The following DACT3 variants were observed in gnomAD, a reference collection of about 807,000 sequenced individuals.
DACT3 encodes the protein dapper homolog 3.
Under a neutral mutation model 19.6 loss-of-function variants are expected in DACT3, and 5 were observed. That is an observed-to-expected ratio of 0.26 (90% CI 0.13 to 0.54). DACT3 has a LOEUF of 0.54. DACT3 is among the 20% of genes least tolerant of loss of function. The pLI is 0.95. For synonymous variants in DACT3, 454 were observed against 428.1 expected, an observed-to-expected ratio of 1.06 and a Z score of -0.75; for missense variants, 908 against 927.4, an observed-to-expected ratio of 0.98 and a Z score of 0.27.
rs2122427939 is a variant in DACT3 at position 46,648,436 on chromosome 19, G to A, written c.*46C>T. 6.2e-7 allele frequency: 1 copy of A among 1,613,018 alleles called. No homozygotes were observed. The highest frequency in any genetic ancestry group is 2.2e-5 in the East Asian group (1 of 44,840). ...TGGAAGGGTCAGTGGTTGGGAGTGTGGAGGTGCAGAGGCCATGAAGGGGGA... is the reference window on the plus strand; with the variant it reads ...TGGAAGGGTCAGTGGTTGGGAGTGTAGAGGTGCAGAGGCCATGAAGGGGGA... On this transcript the variant is annotated 3_prime_UTR_variant, in exon 4 of 4. Transcript: ENST00000391916. This position sits in a 1 kb window ranked among gnomAD's most constrained non-coding sequence, Gnocchi z 5.1.
At position 46,648,934 on chromosome 19, in the gene DACT3, C is replaced by T; in HGVS notation, c.1438G>A (p.Ala480Thr). 2 of 1,345,202 alleles carry T rather than the reference C, an allele frequency of 1.5e-6. No individual in the cohort carries two copies. The highest frequency in any genetic ancestry group is 1.9e-6 in the Non-Finnish European group (2 of 1,053,654). 83.3% of individuals were successfully genotyped at this position (1,345,202 alleles called of 1,614,324 possible). The change falls in exon 4 of 4, where the codon GCG (alanine) becomes ACG (threonine). Residue 480 changes from alanine (A) to threonine (T), a missense_variant. Physicochemically the swap from Ala to Thr is moderately conservative, Grantham distance 58. Coordinates refer to ENST00000391916, the MANE Select transcript of DACT3 (RefSeq NM_145056.3). This position sits in a 1 kb window ranked among gnomAD's most constrained non-coding sequence, Gnocchi z 5.1. ...AGSCRRWRST[A>T]EIDAADGRRV... ...CGCCCATCGGCAGCGTCGATCTCCG[C>T]AGTGGAGCGCCAGCGACGGCAGGAC...
In DACT3 at chr19:46,661,057, C is replaced by T. The variant is rs2053072278; in HGVS notation, c.8G>A (p.Arg3Gln). 4.1e-6 allele frequency: 6 copies of T among 1,477,668 alleles called. No individual in the cohort carries two copies. The South Asian group carries it at 5.1e-5, about 13-fold the overall frequency. The allele number at this position is 1,477,668 out of a possible 1,614,324, so 91.5% of individuals were successfully genotyped here. ...AGGGCTCACCGGGAACGAGAAGGCC[C>T]GGATCATGGCTGCGGCCCCCCGCCC... MI[R>Q]AFSFPVSPER... Residue 3 changes from arginine (R) to glutamine (Q), a missense_variant, in exon 1 of 4, where the codon CGG (arginine) becomes CAG (glutamine). Around this residue, in one of 2 missense-constraint regions of DACT3, gnomAD observed 252 missense variants for 325.6 expected, o/e 0.77. Coordinates refer to ENST00000391916, the MANE Select transcript of DACT3 (RefSeq NM_145056.3).
Position 46,649,277 on chromosome 19 carries a change from C to T in DACT3, c.1095G>A (p.Ala365=). ...CGCGGCCAGGGAGGCCTCGGGTGGC[C>T]GCCTGCGCGCCCGGGATGTACTGCG... ...VKAQYIPGAQ[A]ATRGLPGRAA... Residue 365 remains alanine (A), a synonymous_variant, in exon 4 of 4, where the codon GCG becomes GCA. Coordinates refer to ENST00000391916, the MANE Select transcript of DACT3 (RefSeq NM_145056.3). 1.7e-6 allele frequency: 2 copies of T among 1,209,928 alleles called. No homozygotes were observed. Among genetic ancestry groups the T allele is most frequent in the South Asian group, 3.1e-5 (1 of 31,832 alleles). 74.9% of individuals were successfully genotyped at this position (1,209,928 alleles called of 1,614,324 possible).
At chr19:46,659,091 C>A (rs1568700564) in intron 1 of DACT3, 2 of 984,766 alleles carry the variant, frequency 2.0e-6, no homozygotes, top group Non-Finnish European at 2.4e-6. Context: ...GTTGGGGGAT[C>A]AGAAGAAGCC....
At position 46,649,473 on chromosome 19, in the gene DACT3, C is replaced by A; in HGVS notation, c.899G>T (p.Arg300Leu). 1 of 1,154,062 alleles carries A rather than the reference C, an allele frequency of 8.7e-7. No individual in the cohort carries two copies. Among genetic ancestry groups the A allele is most frequent in the South Asian group, 3.7e-5 (1 of 27,268 alleles). The allele number at this position is 1,154,062 out of a possible 1,614,324, so 71.5% of individuals were successfully genotyped here. Reference sequence around the variant, plus strand: ...CTCCAACGAGGGCTCCCGCGCGGGTCGCGCGCTGCCGGGGGACGGAGACGC... The same window carrying A: ...CTCCAACGAGGGCTCCCGCGCGGGTAGCGCGCTGCCGGGGGACGGAGACGC... ...PDASPSPGSARPAREPSLERV... is the reference protein window; with the variant it reads ...PDASPSPGSALPAREPSLERV... Residue 300 changes from arginine to leucine, a missense_variant, in exon 4 of 4, where the codon CGA becomes CTA. Transcript: ENST00000391916.
chr19:46,654,712 C>T, intron 1 of DACT3: 5 of 985,362 alleles, frequency 5.1e-6, no homozygotes, highest in Non-Finnish European at 6.0e-6. Flanking sequence ...ACAAAAGCGG[C>T]TTGTCTGGAC....
At position 46,649,135 on chromosome 19, in the gene DACT3, G is replaced by C; in HGVS notation, c.1237C>G (p.Arg413Gly). The C allele has an allele frequency of 7.9e-7, 1 of 1,267,464 alleles. No homozygotes were observed. The highest frequency in any genetic ancestry group is 9.9e-7 in the Non-Finnish European group (1 of 1,008,604). 78.5% of individuals were successfully genotyped at this position (1,267,464 alleles called of 1,614,324 possible). ...RGRMAEASGR[R>G]GSPRARKASR... ...GCCTTGCGGGCCCTGGGCGAGCCGC[G>C]GCGGCCCGAAGCCTCGGCCATGCGT... The change falls in exon 4 of 4, where the codon CGC becomes GGC. Residue 413 changes from arginine to glycine, a missense_variant. Arg to Gly is a moderately radical substitution (Grantham distance 125, BLOSUM62 -2). Coordinates refer to ENST00000391916, the MANE Select transcript of DACT3 (RefSeq NM_145056.3).
chr19:46,649,056 GA>G lies in DACT3; in HGVS notation c.1315del (p.Ser439ArgfsTer165). 1.6e-6 allele frequency: 2 copies of G among 1,288,168 alleles called. No homozygotes were observed. Among genetic ancestry groups the G allele is most frequent in the Non-Finnish European group, 2.0e-6 (2 of 1,020,346 alleles). The allele number at this position is 1,288,168 out of a possible 1,614,324, so 79.8% of individuals were successfully genotyped here. Reference protein sequence around the residue: ...SLLGRASAVPSGPPKYPTAER... With the variant: ...SLLGRASAVPXGPPKYPTAER... Reference sequence around the variant, plus strand: ...CGCCGTGGGGTACTTAGGGGGCCCCGAAGGGACCGCGGAGGCGCGGCCCAGC... The same window carrying G: ...CGCCGTGGGGTACTTAGGGGGCCCCGAGGGACCGCGGAGGCGCGGCCCAGC... On this transcript the variant is annotated frameshift_variant, in exon 4 of 4. Transcript: ENST00000391916. LOFTEE classifies it low-confidence loss of function (END_TRUNC).
Position 46,661,108 on chromosome 19 carries a change from C to T in DACT3, c.-44G>A. 7.3e-7 allele frequency: 1 copy of T among 1,372,566 alleles called. No homozygotes were observed. The highest frequency in any genetic ancestry group is 9.3e-7 in the Non-Finnish European group (1 of 1,070,712). The allele number at this position is 1,372,566 out of a possible 1,614,324, so 85.0% of individuals were successfully genotyped here. On this transcript the variant is annotated 5_prime_UTR_variant, in exon 1 of 4. Coordinates refer to ENST00000391916, the MANE Select transcript of DACT3 (RefSeq NM_145056.3). ...CAGCCCGGCCGGGCCCCGCGGCCAC[C>T]CCTCTCCCGGTCCCACCTCCCCGCC...
Position 46,648,117 on chromosome 19 carries a change from G to A in DACT3, c.*365C>T, listed in dbSNP as rs372942051. 7.7e-5 allele frequency: 17 copies of A among 220,150 alleles called. No individual in the cohort carries two copies. The highest frequency in any genetic ancestry group is 1.2e-4 in the African/African-American group (5 of 42,588). The allele number at this position is 220,150 out of a possible 1,614,324, so 13.6% of individuals were successfully genotyped here. A position where few individuals can be genotyped will look rare whatever the true frequency, so the allele number is the denominator to read the frequency against. On this transcript the variant is annotated 3_prime_UTR_variant, in exon 4 of 4. Transcript: ENST00000391916. This position sits in a 1 kb window ranked among gnomAD's most constrained non-coding sequence, Gnocchi z 5.1. Reference sequence around the variant, plus strand: ...GCTCATCAGGAATGAGAGGGAGAGCGGTGGAGGGGAACAAACAGACTAGGC... The same window carrying A: ...GCTCATCAGGAATGAGAGGGAGAGCAGTGGAGGGGAACAAACAGACTAGGC...
At chr19:46,659,347 T>C in intron 1 of DACT3, 1 of 937,656 alleles carries the variant, frequency 1.1e-6, no homozygotes, top group East Asian at 1.2e-4. Flanking sequence ...AGGGCAGAGA[T>C]GGGGAAGGTG....
At chr19:46,659,102 C>T in intron 1 of DACT3, 3 of 984,838 alleles carry the variant, frequency 3.0e-6, no homozygotes, top group Non-Finnish European at 3.6e-6. Flanking sequence ...AGAAGAAGCC[C>T]TAATCCACTC....
At position 46,648,095 on chromosome 19, in the gene DACT3, C is replaced by T. The variant is rs114837281; in HGVS notation, c.*387G>A. On this transcript the variant is annotated 3_prime_UTR_variant, in exon 4 of 4. Coordinates refer to ENST00000391916, the MANE Select transcript of DACT3 (RefSeq NM_145056.3). The surrounding 1 kb of genome is among the most constrained non-coding windows in gnomAD (Gnocchi z 5.1). ...CAAGGAAAGGAGGAATGAGAGGGCT[C>T]ATCAGGAATGAGAGGGAGAGCGGTG... is the stretch of plus-strand genomic sequence containing the variant. 2.3e-3 allele frequency: 481 copies of T among 204,770 alleles called. 3 individuals carry two copies. The highest frequency in any genetic ancestry group is 0.011 in the African/African-American group (448 of 42,264). The allele number at this position is 204,770 out of a possible 1,614,324, so 12.7% of individuals were successfully genotyped here. A position where few individuals can be genotyped will look rare whatever the true frequency, so the allele number is the denominator to read the frequency against.
chr19:46,648,373 T>C lies in DACT3; in HGVS notation c.*109A>G. Reference sequence around the variant, plus strand: ...GAGTGGGGAGAGTGAGGGGGGTCTTTGGAAGCAGAGAAAACGATGGTCTTT... The same window carrying C: ...GAGTGGGGAGAGTGAGGGGGGTCTTCGGAAGCAGAGAAAACGATGGTCTTT... On this transcript the variant is annotated 3_prime_UTR_variant, in exon 4 of 4. Transcript: ENST00000391916. This position sits in a 1 kb window ranked among gnomAD's most constrained non-coding sequence, Gnocchi z 5.1. 1.3e-6 allele frequency: 2 copies of C among 1,552,062 alleles called. No homozygotes were observed. The highest frequency in any genetic ancestry group is 1.7e-6 in the Non-Finnish European group (2 of 1,143,294).
In DACT3 at chr19:46,660,743, G is replaced by T; in HGVS notation, c.249+73C>A. 7.1e-7 allele frequency: 1 copy of T among 1,402,814 alleles called. No individual in the cohort carries two copies. Among genetic ancestry groups the T allele is most frequent in the Non-Finnish European group, 9.2e-7 (1 of 1,081,966 alleles). 86.9% of individuals were successfully genotyped at this position (1,402,814 alleles called of 1,614,324 possible). On this transcript the variant is annotated intron_variant, in intron 1 of 3. Transcript: ENST00000391916. The surrounding 1 kb of genome is among the most constrained non-coding windows in gnomAD (Gnocchi z 4.9). ...TACCCGGGTCCCCAACCCCCGCCCGGTGTCTGAGCATCCAACCGAGACAGA... is the reference window on the plus strand; with the variant it reads ...TACCCGGGTCCCCAACCCCCGCCCGTTGTCTGAGCATCCAACCGAGACAGA...
rs1399432654 is a variant in DACT3, at chr19:46,648,729, C to A, written c.1643G>T (p.Ser548Ile). 6.2e-7 allele frequency: 1 copy of A among 1,601,248 alleles called. No homozygotes were observed. The highest frequency in any genetic ancestry group is 1.3e-5 in the African/African-American group (1 of 74,938). The change falls in exon 4 of 4, where the codon AGC (serine) becomes ATC (isoleucine). Residue 548 changes from serine to isoleucine, a missense_variant. Physicochemically the swap from Ser to Ile is moderately radical, Grantham distance 142 (BLOSUM62 -2). Transcript: ENST00000391916. The surrounding 1 kb of genome is among the most constrained non-coding windows in gnomAD (Gnocchi z 5.1). ...TTCTCCCTCGCTGGCGCTCGATTCG[C>A]TCTCCCCGTAACCCCCGCCGACGCC... ...AGGVGGGYGE[S>I]ESSASEGESP...
At chr19:46,659,428 A>C in intron 1 of DACT3, 1 of 982,784 alleles carries the variant, frequency 1.0e-6, no homozygotes, top group Non-Finnish European at 1.2e-6. Flanking sequence ...CCCCAACCTC[A>C]TGCCTCGCAT....
chr19:46,654,505 G>T (rs897638030), intron 1 of DACT3: 72 of 903,612 alleles, frequency 8.0e-5, no homozygotes, highest in South Asian at 1.5e-4. Context: ...AAGGAAAAAA[G>T]AAAAAGAAAT....
rs1270574315 is a variant in DACT3, at chr19:46,660,940, T to C, written c.125A>G (p.Gln42Arg). Reference protein sequence around the residue: ...WLRERQEYRVQQALRLAQPGM... With the variant: ...WLRERQEYRVRQALRLAQPGM... Reference sequence around the variant, plus strand: ...GGGCTGGGCCAGCCGCAGCGCCTGCTGCACGCGGTACTCCTGCCTCTCCCG... The same window carrying C: ...GGGCTGGGCCAGCCGCAGCGCCTGCCGCACGCGGTACTCCTGCCTCTCCCG... Residue 42 changes from glutamine to arginine, a missense_variant, in exon 1 of 4, where the codon CAG becomes CGG. By Grantham distance (43) the Gln-to-Arg change is conservative. This residue lies in a region of DACT3 where 252 missense variants were observed against 325.6 expected (regional missense o/e 0.77). Coordinates refer to ENST00000391916, the MANE Select transcript of DACT3 (RefSeq NM_145056.3). This position sits in a 1 kb window ranked among gnomAD's most constrained non-coding sequence, Gnocchi z 4.9. The C allele has an allele frequency of 6.5e-7, 1 of 1,540,226 alleles. No homozygotes were observed. The highest frequency in any genetic ancestry group is 8.7e-7 in the Non-Finnish European group (1 of 1,146,046).
Sources: allele counts gnomAD v4.1 joint callset, GRCh38; gene constraint gnomAD v4.1.1; regional missense constraint gnomAD v4.1.1; non-coding constraint Gnocchi (gnomAD v3.1); transcripts MANE v1.5; gene names NCBI Gene and HGNC (gene_info 2026-07-23, HGNC 2026-07-21).